Variants in TFRC observed in about 807,000 individuals in gnomAD.
TFRC encodes the protein transferrin receptor protein 1.
In TFRC, 35 loss-of-function variants were observed where a neutral mutation model predicts 85.8. The observed-to-expected ratio is 0.41, with a 90% CI of 0.31 to 0.54. The LOEUF is 0.54. Ranked by LOEUF, TFRC falls within the 20% of genes least tolerant of loss-of-function variation. The pLI is 0.31. For synonymous variants in TFRC, 362 were observed against 328.6 expected (o/e 1.10, Z -1.10); for missense variants, 828 against 921.5 (o/e 0.90, Z 1.31).
chr3:196,065,194 G>C (rs577392651), intron 10 of TFRC, among the ~76,000 whole-genome samples: 1 of 150,612 alleles, frequency 6.6e-6, no homozygotes, highest in Non-Finnish European at 1.5e-5. Context: ...CCTGGGAGGC[G>C]GAAATTGCAG....
At position 196,058,183 on chromosome 3, in the gene TFRC, C is replaced by T. The variant is rs1257457899; in HGVS notation, c.1677+101G>A. 3 of 905,430 alleles carry T rather than the reference C, an allele frequency of 3.3e-6. No individual in the cohort carries two copies. In the Admixed American group the frequency reaches 6.4e-5, roughly 19 times the overall value. 56.1% of individuals were successfully genotyped at this position (905,430 alleles called of 1,614,324 possible). Reference sequence around the variant, plus strand: ...CTCCTCTGAATATGTACATAGTTGACTATAGCACAGGCATTCCCATTGCAA... The same window carrying T: ...CTCCTCTGAATATGTACATAGTTGATTATAGCACAGGCATTCCCATTGCAA... On this transcript the variant is annotated intron_variant, in intron 16 of 18. Transcript: ENST00000360110.
chr3:196,077,984 G>A lies in TFRC; in HGVS notation c.-23-862C>T, dbSNP rs935504958. Among the ~76,000 whole-genome samples the A allele has an allele frequency of 7.9e-5, 12 of 152,284 alleles. No homozygotes were observed. The East Asian group carries it at 2.3e-3, about 29-fold the overall frequency. On this transcript the variant is annotated intron_variant, in intron 1 of 18. Transcript: ENST00000360110. Reference sequence around the variant, plus strand: ...GGCCAGTTATTAGAGAAACTAAGTGGCCTGTTCAAGGCTGAAAATTGATAA... The same window carrying A: ...GGCCAGTTATTAGAGAAACTAAGTGACCTGTTCAAGGCTGAAAATTGATAA...
chr3:196,051,089 G>A lies in TFRC; in HGVS notation c.*853C>T, dbSNP rs1716268493. The A allele has an allele frequency of 9.3e-6, 2 of 215,178 alleles. No individual in the cohort carries two copies. The highest frequency in any genetic ancestry group is 1.2e-4 in the Admixed American group (2 of 17,110). The allele number at this position is 215,178 out of a possible 1,614,324, so 13.3% of individuals were successfully genotyped here. A position where few individuals can be genotyped will look rare whatever the true frequency, so the allele number is the denominator to read the frequency against. On this transcript the variant is annotated 3_prime_UTR_variant, in exon 19 of 19. Transcript: ENST00000360110. Reference sequence around the variant, plus strand: ...TAAATATCTCAGTGCCAAAAGGACAGAAAGCTCTCCCCTAAGATTAACACT... The same window carrying A: ...TAAATATCTCAGTGCCAAAAGGACAAAAAGCTCTCCCCTAAGATTAACACT...
intron 16 of TFRC, among the ~76,000 whole-genome samples, chr3:196,056,080 G>A (rs1298032983): frequency 6.6e-6 from 1 of 152,184 alleles, no homozygotes; most frequent in African/African-American, 2.4e-5. Flanking sequence ...TGTCACCCAG[G>A]CTGGAGCGTG....
chr3:196,062,938 A>C lies in TFRC; in HGVS notation c.1320T>G (p.Asp440Glu), dbSNP rs771742064. ...TAATGCTTCTGCTGGGCTGAAACCC[A>C]TCTGAAAGAGAAAAAAGTTAGCTTT... ...AQMFSDMVLKDGFQPSRSIIF... is the reference protein window; with the variant it reads ...AQMFSDMVLKEGFQPSRSIIF... The change falls in exon 12 of 19, where the codon GAT becomes GAG. Residue 440 changes from aspartate (D) to glutamate (E), a missense_variant and splice_region_variant. Physicochemically the swap from Asp to Glu is conservative, Grantham distance 45. Coordinates refer to ENST00000360110, the MANE Select transcript of TFRC (RefSeq NM_001128148.3). 1 of 1,614,034 alleles carries C rather than the reference A, an allele frequency of 6.2e-7. No homozygotes were observed. Among genetic ancestry groups the C allele is most frequent in the Non-Finnish European group, 8.5e-7 (1 of 1,179,998 alleles).
intron 1 of TFRC, 41 bp from the exon 2 acceptor site, chr3:196,077,163 G>A (rs542355167): frequency 2.1e-6 from 3 of 1,432,680 alleles, no homozygotes; most frequent in Admixed American, 1.8e-5. Flanking sequence ...AGATACTACT[G>A]TATCAGATTA....
At chr3:196,072,206 T>C in intron 4 of TFRC, 54 bp from the exon 5 acceptor site, 1 of 1,593,272 alleles carries the variant, frequency 6.3e-7, no homozygotes, top group Middle Eastern at 1.7e-4. Flanking sequence ...AAATAAACAT[T>C]TAAGTCAAGG....
At chr3:196,068,798 G>A (rs1345240863) in intron 7 of TFRC, among the ~76,000 whole-genome samples, 1 of 151,096 alleles carries the variant, frequency 6.6e-6, no homozygotes, top group African/African-American at 2.4e-5. Flanking sequence ...CATGGTGGTG[G>A]TGGGCACCTG....
In TFRC at chr3:196,055,315, C is replaced by T. The variant is rs550097905; in HGVS notation, c.1678-14G>A. On this transcript the variant is annotated splice_polypyrimidine_tract_variant and intron_variant, in intron 16 of 18. Transcript: ENST00000360110. ...ATAATCTGTGTCCTGCAAGACAACG[C>T]GAGGCTATGGTACTCACGTGAGTTC... is the stretch of plus-strand genomic sequence containing the variant. The T allele has an allele frequency of 1.1e-5, 18 of 1,603,310 alleles. No homozygotes were observed. Among genetic ancestry groups the T allele is most frequent in the South Asian group, 4.4e-5 (4 of 90,856 alleles).
chr3:196,058,921 C>T, intron 14 of TFRC: 1 of 189,240 alleles, frequency 5.3e-6, no homozygotes, highest in Non-Finnish European at 1.1e-5. Flanking sequence ...AATCCCAACA[C>T]TTTGGGAGGC....
chr3:196,069,860 G>C (rs1718044016), intron 6 of TFRC, among the ~76,000 whole-genome samples: 1 of 152,170 alleles, frequency 6.6e-6, no homozygotes, highest in South Asian at 2.1e-4. Context: ...CTGGTCATGG[G>C]ACTGGAGGCC....
chr3:196,061,050 C>G (rs1193847509), intron 13 of TFRC, among the ~76,000 whole-genome samples: 2 of 152,138 alleles, frequency 1.3e-5, no homozygotes, highest in Non-Finnish European at 2.9e-5. Context: ...TTAATTGTAA[C>G]TCTTTCCTTT....
At chr3:196,062,365 C>G (rs1480350973) in intron 13 of TFRC, 4 of 518,108 alleles carry the variant, frequency 7.7e-6, no homozygotes, top group Non-Finnish European at 1.4e-5. Flanking sequence ...AGCCCTGTCT[C>G]TACTAAAAAT....
rs1716366235 is a variant in TFRC at position 196,052,132 on chromosome 3, C to T, written c.2093G>A (p.Arg698Gln). The T allele has an allele frequency of 1.2e-6, 2 of 1,613,916 alleles. No homozygotes were observed. The highest frequency in any genetic ancestry group is 1.7e-6 in the Non-Finnish European group (2 of 1,179,990). Residue 698 changes from arginine (R) to glutamine (Q), a missense_variant, in exon 19 of 19, where the codon CGA becomes CAA. Physicochemically the swap from Arg to Gln is conservative, Grantham distance 43. Coordinates refer to ENST00000360110, the MANE Select transcript of TFRC (RefSeq NM_001128148.3). The part of the protein sequence containing the change: ...PYVSPKESPF[R>Q]HVFWGSGSHT... ...AGAGCCGGAGCCCCAGAAGACATGT[C>T]GGAAAGGAGACTCTTTTGGAGATAC...
At chr3:196,074,980 A>G (rs1198956934) in intron 3 of TFRC, among the ~76,000 whole-genome samples, 179 bp downstream of exon 3, 1 of 139,880 alleles carries the variant, frequency 7.1e-6, no homozygotes, top group African/African-American at 2.6e-5. Flanking sequence ...TGGGAGGCTG[A>G]GGTTGCAGTG....
chr3:196,078,425 G>A lies in TFRC; in HGVS notation c.-23-1303C>T, dbSNP rs141011499. 1.6e-3 allele frequency among the ~76,000 whole-genome samples: 240 copies of A among 152,250 alleles called. 2 individuals are homozygous for A. The East Asian group carries it at 0.04, about 26-fold the overall frequency. ...TGTAATCCCAACACTTTGGGAGGCCGAGGCAGGTGGATCACGAGGTCAGGA... is the reference window on the plus strand; with the variant it reads ...TGTAATCCCAACACTTTGGGAGGCCAAGGCAGGTGGATCACGAGGTCAGGA... On this transcript the variant is annotated intron_variant, in intron 1 of 18. Coordinates refer to ENST00000360110, the MANE Select transcript of TFRC (RefSeq NM_001128148.3).
Position 196,071,984 on chromosome 3 carries a change from T to C in TFRC, c.584+19A>G. On this transcript the variant is annotated intron_variant, in intron 5 of 18. Transcript: ENST00000360110. The stretch of plus-strand genomic sequence containing the variant: ...AATAGCTACTTGTATAAAAATAAGT[T>C]TACCATCTTTCAACATACCTGTCTT... 6.2e-7 allele frequency: 1 copy of C among 1,603,072 alleles called. No homozygotes were observed. The highest frequency in any genetic ancestry group is 8.5e-7 in the Non-Finnish European group (1 of 1,175,124).
intron 2 of TFRC, among the ~76,000 whole-genome samples, chr3:196,075,908 A>G (rs1348425829): frequency 6.6e-6 from 1 of 151,540 alleles, no homozygotes; most frequent in African/African-American, 2.4e-5. Context: ...CACACAGATC[A>G]TTTATGGTCA....
At chr3:196,054,972 T>G (rs1716647314) in intron 17 of TFRC, 108 bp downstream of exon 17, 18 of 1,119,176 alleles carry the variant, frequency 1.6e-5, no homozygotes, top group Non-Finnish European at 2.2e-5. Context: ...CACTTTAAAA[T>G]GTACTATGGC....
Sources: gnomAD v4.1 joint callset for allele counts (sites outside exome capture counted in the v4.1 genomes callset) on GRCh38, gnomAD v4.1.1 for gene constraint, MANE v1.5 for transcripts, NCBI Gene and HGNC (gene_info 2026-07-23, HGNC 2026-07-21) for gene names.